The following PACRG variants were observed in gnomAD, a reference collection of about 807,000 sequenced individuals.
PACRG encodes parkin coregulated, also known as parkin coregulated gene protein.
Under a neutral mutation model 29.7 loss-of-function variants are expected in PACRG, and 29 were observed. The ratio of observed to expected loss-of-function variants is 0.98; its 90% CI spans 0.73 to 1.33. PACRG has a LOEUF of 1.33. Among genes scored for constraint, PACRG ranks in the 40% most tolerant of loss-of-function variants. The pLI, the probability that PACRG is intolerant of heterozygous loss-of-function variation, is 0.00. For missense variants in PACRG, 279 were observed against 316.2 expected (o/e 0.88, Z 0.89); for synonymous variants, 116 against 118.7 (o/e 0.98, Z 0.15).
At chr6:162,882,190 T>TGG (rs142358248) in intron 2 of PACRG, among the ~76,000 whole-genome samples, 8 of 92,030 alleles carry the variant, frequency 8.7e-5, no homozygotes, top group South Asian at 3.9e-4. Flanking sequence ...AGACTGGGGG[T>TGG]GGGGGGGCGC....
rs140102813 is a variant in PACRG, at chr6:163,158,343, T to C, written c.613+68935T>C. Among the ~76,000 whole-genome samples, 1,291 of 152,330 alleles carry C rather than the reference T, an allele frequency of 8.5e-3. 12 individuals are homozygous for C. The highest frequency in any genetic ancestry group is 0.013 in the Non-Finnish European group (914 of 68,028). ...GGACTGATGGGTTTTAGTAACTGCTTGTGCATGCCTGGTTGAGCTGAACCA... is the reference window on the plus strand; with the variant it reads ...GGACTGATGGGTTTTAGTAACTGCTCGTGCATGCCTGGTTGAGCTGAACCA... On this transcript the variant is annotated intron_variant, in intron 4 of 4. Coordinates refer to ENST00000366888, the MANE Select transcript of PACRG (RefSeq NM_001080379.2).
intron 2 of PACRG, among the ~76,000 whole-genome samples, chr6:162,969,267 C>T (rs1184643537): frequency 6.6e-6 from 1 of 152,046 alleles, no homozygotes; most frequent in East Asian, 1.9e-4. Flanking sequence ...AGAGTTACTT[C>T]TATTTCCTCC....
In PACRG at chr6:163,091,573, G is replaced by A. The variant is rs146508292; in HGVS notation, c.613+2165G>A. On this transcript the variant is annotated intron_variant, in intron 4 of 4. Coordinates refer to ENST00000366888, the MANE Select transcript of PACRG (RefSeq NM_001080379.2). ...TTTGTAGGGAAAAATATTATCTTCC[G>A]CTTCATTTTCTACTTATCTTAGAAA... Among the ~76,000 whole-genome samples, 12 of 151,968 alleles carry A rather than the reference G, an allele frequency of 7.9e-5. No homozygotes were observed. The East Asian group carries it at 2.3e-3, about 29-fold the overall frequency.
At chr6:163,069,830 G>C (rs1313761635) in intron 3 of PACRG, among the ~76,000 whole-genome samples, 1 of 152,040 alleles carries the variant, frequency 6.6e-6, no homozygotes, top group East Asian at 1.9e-4. Flanking sequence ...ACACCAACCA[G>C]ATTTAAGCCA....
chr6:162,741,101 A>G (rs993322075), intron 1 of PACRG, among the ~76,000 whole-genome samples: 5 of 152,130 alleles, frequency 3.3e-5, no homozygotes, highest in Non-Finnish European at 7.3e-5. Context: ...ATCATGATGT[A>G]TTTAGCTTAA....
intron 2 of PACRG, among the ~76,000 whole-genome samples, chr6:162,858,707 A>C (rs2128438458): frequency 6.6e-6 from 1 of 152,300 alleles, no homozygotes; most frequent in East Asian, 1.9e-4. Context: ...GGCATGCTCC[A>C]ATCGGTACAA....
chr6:163,131,299 G>A (rs1442981776), intron 4 of PACRG, among the ~76,000 whole-genome samples: 61 of 147,188 alleles, frequency 4.1e-4, no homozygotes, highest in Admixed American at 3.8e-3. Context: ...GCGACAGAGC[G>A]AGACTCTGTC....
intron 2 of PACRG, among the ~76,000 whole-genome samples, chr6:163,021,911 A>G (rs1483938546): frequency 2.0e-5 from 3 of 151,112 alleles, no homozygotes; most frequent in Non-Finnish European, 4.4e-5. Flanking sequence ...TCATAATTTT[A>G]TGATAACATT....
At chr6:162,939,510 AG>A (rs2128116702) in intron 2 of PACRG, among the ~76,000 whole-genome samples, 1 of 152,312 alleles carries the variant, frequency 6.6e-6, no homozygotes, top group South Asian at 2.1e-4. Context: ...GGGAGGGAAA[AG>A]CACAGGTAAT....
In PACRG at chr6:162,735,148, A is replaced by G. The variant is rs918811922; in HGVS notation, c.156+6757A>G. ...AATTTATTTATCCATCGCTTCCTCGATGGGTATTTGTGTGACCTCCAATTT... is the reference window on the plus strand; with the variant it reads ...AATTTATTTATCCATCGCTTCCTCGGTGGGTATTTGTGTGACCTCCAATTT... On this transcript the variant is annotated intron_variant, in intron 1 of 4. Transcript: ENST00000366888. Among the ~76,000 whole-genome samples the G allele has an allele frequency of 6.6e-5, 10 of 152,106 alleles. No homozygotes were observed. In the East Asian group the frequency reaches 1.9e-3, roughly 29 times the overall value.
intron 2 of PACRG, among the ~76,000 whole-genome samples, chr6:162,914,230 G>GT (rs1436619746): frequency 3.3e-5 from 5 of 152,044 alleles, no homozygotes; most frequent in Non-Finnish European, 7.4e-5. Context: ...GTTAGTTTGT[G>GT]TATGTGTTAT....
At chr6:163,076,259 G>A (rs900173049) in intron 3 of PACRG, among the ~76,000 whole-genome samples, 14 of 152,188 alleles carry the variant, frequency 9.2e-5, no homozygotes, top group Non-Finnish European at 4.4e-5. Context: ...GCTTTTGCTC[G>A]CCATCTGGGA....
At chr6:163,051,255 G>T (rs1475405927) in intron 2 of PACRG, 1 of 151,860 alleles carries the variant, frequency 6.6e-6, no homozygotes, top group African/African-American at 2.4e-5. Flanking sequence ...GTTTCCAGTT[G>T]TTACCTCCAC....
At chr6:163,267,263 C>A (rs537946267) in intron 4 of PACRG, among the ~76,000 whole-genome samples, 79 of 152,326 alleles carry the variant, frequency 5.2e-4, no homozygotes, top group South Asian at 1.9e-3. Flanking sequence ...ACAGTCCCAT[C>A]AGTGACGAGT....
At chr6:162,856,280 A>G (rs991756887) in intron 2 of PACRG, among the ~76,000 whole-genome samples, 1 of 152,038 alleles carries the variant, frequency 6.6e-6, no homozygotes, top group Non-Finnish European at 1.5e-5. Context: ...TCTGGTCTTG[A>G]ACTCCTGGCC....
intron 2 of PACRG, among the ~76,000 whole-genome samples, chr6:162,936,707 T>G (rs1333410381): frequency 6.6e-6 from 1 of 152,176 alleles, no homozygotes; most frequent in Non-Finnish European, 1.5e-5. Context: ...AAATATTGCT[T>G]CTGTTGTTAA....
chr6:163,297,414 G>A (rs1784816965), intron 4 of PACRG, among the ~76,000 whole-genome samples: 1 of 152,072 alleles, frequency 6.6e-6, no homozygotes, highest in South Asian at 2.1e-4. Context: ...CACTGCTACT[G>A]GTCTTTTAAC....
chr6:162,759,891 C>T (rs574474714), intron 1 of PACRG, among the ~76,000 whole-genome samples: 1 of 152,246 alleles, frequency 6.6e-6, no homozygotes, highest in Admixed American at 6.5e-5. Flanking sequence ...TGTGCCTTAG[C>T]TATGGTTGCC....
intron 4 of PACRG, among the ~76,000 whole-genome samples, chr6:163,262,866 A>ACC (rs113163742): frequency 2.2e-4 from 26 of 116,444 alleles, no homozygotes; most frequent in Non-Finnish European, 3.9e-4. Context: ...ACATAGTGAG[A>ACC]CCCCCCCCCC....
Sources: gnomAD v4.1 joint callset for allele counts (sites outside exome capture counted in the v4.1 genomes callset) on GRCh38, gnomAD v4.1.1 for gene constraint, MANE v1.5 for transcripts, NCBI Gene and HGNC (gene_info 2026-07-23, HGNC 2026-07-21) for gene names.